KCNMB2: variants seen among roughly 807,000 people sequenced by gnomAD.
The protein encoded by KCNMB2 is potassium calcium-activated channel subfamily M regulatory beta subunit 2.
Under a neutral mutation model 24.5 loss-of-function variants are expected in KCNMB2, and 9 were observed. The observed-to-expected ratio is 0.37, with a 90% CI of 0.22 to 0.64. The LOEUF is 0.64. Ranked by LOEUF, KCNMB2 falls within the 30% of genes least tolerant of loss-of-function variation. KCNMB2 has a pLI of 0.63. For synonymous variants in KCNMB2, 109 were observed against 104.4 expected, an observed-to-expected ratio of 1.04 and a Z score of -0.27; for missense variants, 226 against 284.3, an observed-to-expected ratio of 0.79 and a Z score of 1.47.
chr3:178,755,539 G>A (rs954226831), intron 1 of KCNMB2, among the ~76,000 whole-genome samples: 1 of 152,068 alleles, frequency 6.6e-6, no homozygotes, highest in African/African-American at 2.4e-5. Context: ...GTATCAAGCA[G>A]GTAAAACAAA....
intron 3 of KCNMB2, among the ~76,000 whole-genome samples, chr3:178,826,392 A>C (rs945583049): frequency 6.6e-6 from 1 of 152,210 alleles, no homozygotes; most frequent in African/African-American, 2.4e-5. Context: ...TAGGCTGAGA[A>C]ACACTGCTAT....
chr3:178,671,588 T>A (rs1248203956), intron 1 of KCNMB2, among the ~76,000 whole-genome samples: 1 of 152,070 alleles, frequency 6.6e-6, no homozygotes, highest in African/African-American at 2.4e-5. Flanking sequence ...GTGAAATTGA[T>A]GATCCACAGC....
At chr3:178,644,018 G>A (rs1200742828) in intron 1 of KCNMB2, among the ~76,000 whole-genome samples, 2 of 152,158 alleles carry the variant, frequency 1.3e-5, no homozygotes, top group Non-Finnish European at 2.9e-5. Flanking sequence ...CATGTCCTCT[G>A]AGGCAAACCA....
At chr3:178,756,441 A>C (rs1232042287) in intron 1 of KCNMB2, among the ~76,000 whole-genome samples, 2 of 152,142 alleles carry the variant, frequency 1.3e-5, no homozygotes, top group Non-Finnish European at 1.5e-5. Context: ...ACCTTGTTTT[A>C]TGTGTGTTTT....
intron 1 of KCNMB2, among the ~76,000 whole-genome samples, chr3:178,682,619 T>C (rs1198517016): frequency 1.3e-5 from 2 of 152,048 alleles, no homozygotes; most frequent in East Asian, 3.9e-4. Context: ...GATGATTTAA[T>C]TCAATATATC....
intron 1 of KCNMB2, among the ~76,000 whole-genome samples, chr3:178,710,564 G>A (rs1353889826): frequency 1.3e-5 from 2 of 152,132 alleles, no homozygotes; most frequent in East Asian, 3.9e-4. Flanking sequence ...TTTATAGAGG[G>A]CTATAACTAA....
intron 1 of KCNMB2, among the ~76,000 whole-genome samples, chr3:178,626,568 T>C (rs1719125439): frequency 6.6e-6 from 1 of 152,156 alleles, no homozygotes; most frequent in East Asian, 1.9e-4. Context: ...AAATATGTCC[T>C]TCTTCACAAG....
intron 1 of KCNMB2, among the ~76,000 whole-genome samples, chr3:178,641,366 T>C (rs544028858): frequency 6.6e-6 from 1 of 152,316 alleles, no homozygotes; most frequent in African/African-American, 2.4e-5. Context: ...CAAAGAGTTT[T>C]GTAGTTTTTC....
chr3:178,743,770 C>T (rs377289416), intron 1 of KCNMB2, among the ~76,000 whole-genome samples: 6 of 152,286 alleles, frequency 3.9e-5, no homozygotes, highest in Non-Finnish European at 8.8e-5. Context: ...CTCTGGAGCT[C>T]ATGGCGCTAT....
At position 178,669,522 on chromosome 3, in the gene KCNMB2, G is replaced by A. The variant is rs183748744; in HGVS notation, c.-68+132811G>A. 2.1e-3 allele frequency among the ~76,000 whole-genome samples: 313 copies of A among 152,220 alleles called. 2 individuals carry two copies. Among genetic ancestry groups the A allele is most frequent in the Non-Finnish European group, 3.0e-3 (207 of 68,008 alleles). On this transcript the variant is annotated intron_variant, in intron 1 of 4. Coordinates refer to ENST00000452583, the MANE Select transcript of KCNMB2 (RefSeq NM_181361.3). The stretch of plus-strand genomic sequence containing the variant: ...GGAGTTTAGTCATGGGAACAATACT[G>A]TAATTCACCAAGTGTTGCTTGAAGC...
intron 1 of KCNMB2, among the ~76,000 whole-genome samples, chr3:178,685,951 C>A (rs941483572): frequency 2.0e-5 from 3 of 152,178 alleles, no homozygotes; most frequent in Non-Finnish European, 2.9e-5. Context: ...GGAAAAAGCA[C>A]TGACTACCAC....
At chr3:178,792,249 T>G (rs995225715) in intron 1 of KCNMB2, among the ~76,000 whole-genome samples, 1 of 152,172 alleles carries the variant, frequency 6.6e-6, no homozygotes, top group Non-Finnish European at 1.5e-5. Flanking sequence ...GTGGGATGAA[T>G]TGAGTTAAAA....
chr3:178,717,965 T>G (rs961076528), intron 1 of KCNMB2, among the ~76,000 whole-genome samples: 2 of 152,170 alleles, frequency 1.3e-5, no homozygotes, highest in Non-Finnish European at 2.9e-5. Context: ...TAAACTCTCG[T>G]CCATTTCTAG....
intron 1 of KCNMB2, among the ~76,000 whole-genome samples, chr3:178,561,352 C>G (rs1289921262): frequency 6.6e-6 from 1 of 152,114 alleles, no homozygotes; most frequent in African/African-American, 2.4e-5. Context: ...TCAATAAAAA[C>G]AAAACAATGC....
chr3:178,596,005 A>C, intron 1 of KCNMB2, among the ~76,000 whole-genome samples: 1 of 152,038 alleles, frequency 6.6e-6, no homozygotes, highest in Non-Finnish European at 1.5e-5. Context: ...GAAGGGGAGG[A>C]GAATGATGAC....
chr3:178,842,720 A>G lies in KCNMB2; in HGVS notation c.491A>G (p.Glu164Gly). Reference sequence around the variant, plus strand: ...ATGTCCCTGGTGAATGTTGTCATGGAAAACTTCAGGAAGTATCAACACTTC... The same window carrying G: ...ATGTCCCTGGTGAATGTTGTCATGGGAAACTTCAGGAAGTATCAACACTTC... ...ESMSLVNVVMENFRKYQHFSC... is the reference protein window; with the variant it reads ...ESMSLVNVVMGNFRKYQHFSC... The change falls in exon 5 of 5, where the codon GAA becomes GGA. Residue 164 changes from glutamate (E) to glycine (G), a missense_variant. Physicochemically the swap from Glu to Gly is moderately conservative, Grantham distance 98. Coordinates refer to ENST00000452583, the MANE Select transcript of KCNMB2 (RefSeq NM_181361.3). The G allele has an allele frequency of 6.2e-7, 1 of 1,613,526 alleles. No individual in the cohort carries two copies. Among genetic ancestry groups the G allele is most frequent in the East Asian group, 2.2e-5 (1 of 44,880 alleles).
chr3:178,637,276 C>T (rs1054212966), intron 1 of KCNMB2, among the ~76,000 whole-genome samples: 2 of 152,170 alleles, frequency 1.3e-5, no homozygotes, highest in African/African-American at 4.8e-5. Context: ...TGAGGAATAG[C>T]CACACTGTCT....
At chr3:178,822,837 C>CA (rs1714684983) in intron 2 of KCNMB2, among the ~76,000 whole-genome samples, 1 of 152,304 alleles carries the variant, frequency 6.6e-6, no homozygotes, top group South Asian at 2.1e-4. Context: ...ACACTGATTA[C>CA]ACTTCTTCTC....
intron 1 of KCNMB2, among the ~76,000 whole-genome samples, chr3:178,788,099 CAA>C (rs1713180737): frequency 6.6e-6 from 1 of 152,076 alleles, no homozygotes; most frequent in African/African-American, 2.4e-5. Flanking sequence ...CCTATAGAAA[CAA>C]GAGTTAAACC....
Sources: gnomAD v4.1 joint callset for allele counts (sites outside exome capture counted in the v4.1 genomes callset) on GRCh38, gnomAD v4.1.1 for gene constraint, MANE v1.5 for transcripts, NCBI Gene and HGNC (gene_info 2026-07-23, HGNC 2026-07-21) for gene names.